Variants in GRIK4 observed in about 807,000 individuals in gnomAD.
The protein encoded by GRIK4 is glutamate ionotropic receptor kainate type subunit 4, also known as glutamate receptor ionotropic, kainate 4.
A neutral mutation model predicts 104.9 loss-of-function variants in GRIK4; 40 were observed. That is an observed-to-expected ratio of 0.38 (90% CI 0.30 to 0.50). The LOEUF is 0.50. Among genes scored for constraint, GRIK4 ranks in the 20% least tolerant of loss-of-function variants. The pLI is 0.93. For synonymous variants in GRIK4, 485 were observed against 524.9 expected (o/e 0.92, Z 1.04); for missense variants, 1,047 against 1,308.1 (o/e 0.80, Z 3.08).
intron 11 of GRIK4, among the ~76,000 whole-genome samples, chr11:120,875,496 A>G (rs1954758382): frequency 6.6e-6 from 1 of 152,144 alleles, no homozygotes. Context: ...AGGGTGTGTC[A>G]TGTAAGGGGG....
intron 11 of GRIK4, among the ~76,000 whole-genome samples, chr11:120,879,581 G>A (rs778543436): frequency 2.0e-5 from 3 of 152,192 alleles, no homozygotes; most frequent in Non-Finnish European, 4.4e-5. Flanking sequence ...TGACTATTTT[G>A]ATTCTGTTCG....
At chr11:120,871,580 C>T (rs1393865280) in intron 9 of GRIK4, 26 of 456,132 alleles carry the variant, frequency 5.7e-5, no homozygotes, top group South Asian at 1.5e-4. Context: ...GCTTAGTCTT[C>T]GGGTTCCAGG....
At chr11:120,531,386 G>A (rs967684420) in intron 1 of GRIK4, among the ~76,000 whole-genome samples, 4 of 152,128 alleles carry the variant, frequency 2.6e-5, no homozygotes, top group African/African-American at 9.7e-5. Context: ...CTGCTCCATA[G>A]CGCTGCCCAA....
chr11:120,980,646 G>A (rs1479750689), intron 19 of GRIK4, among the ~76,000 whole-genome samples: 1 of 152,274 alleles, frequency 6.6e-6, no homozygotes, highest in East Asian at 1.9e-4. Context: ...CCCCTGGAAG[G>A]TAGAATTGAG....
chr11:120,820,025 C>T, intron 6 of GRIK4, 105 bp downstream of exon 6: 1 of 1,065,584 alleles, frequency 9.4e-7, no homozygotes, highest in Non-Finnish European at 1.4e-6. Context: ...GGGAGGCTTC[C>T]TTCAGATCCA....
intron 8 of GRIK4, among the ~76,000 whole-genome samples, chr11:120,845,508 C>T (rs1330803064): frequency 6.6e-6 from 1 of 152,142 alleles, no homozygotes; most frequent in Non-Finnish European, 1.5e-5. Flanking sequence ...TTCCAAAACT[C>T]TACAGCTGTT....
chr11:120,691,001 C>T (rs1950350735), intron 3 of GRIK4, among the ~76,000 whole-genome samples: 1 of 152,146 alleles, frequency 6.6e-6, no homozygotes, highest in Admixed American at 6.5e-5. Flanking sequence ...TATTGCCTTT[C>T]TTTGCATTCA....
intron 1 of GRIK4, among the ~76,000 whole-genome samples, chr11:120,572,256 T>C (rs189122005): frequency 2.0e-5 from 3 of 152,258 alleles, no homozygotes; most frequent in Admixed American, 1.3e-4. Flanking sequence ...CCTTAATACT[T>C]CGTCACCTTG....
intron 1 of GRIK4, among the ~76,000 whole-genome samples, chr11:120,596,443 G>T (rs1267960861): frequency 1.3e-5 from 2 of 152,218 alleles, no homozygotes; most frequent in East Asian, 3.9e-4. Flanking sequence ...AGAAGATGGG[G>T]TGTTAGGGAG....
intron 3 of GRIK4, among the ~76,000 whole-genome samples, chr11:120,767,095 T>C (rs938151682): frequency 6.6e-6 from 1 of 152,156 alleles, no homozygotes; most frequent in Non-Finnish European, 1.5e-5. Context: ...TGTATGGTAG[T>C]TCTATTTTTT....
intron 10 of GRIK4, among the ~76,000 whole-genome samples, 159 bp from the exon 11 acceptor site, chr11:120,874,980 G>T (rs1038323016): frequency 4.6e-5 from 7 of 152,178 alleles, no homozygotes; most frequent in Non-Finnish European, 7.3e-5. Context: ...CATCACATTT[G>T]TCATCTCAAG....
chr11:120,710,522 C>G (rs1326704077), intron 3 of GRIK4, among the ~76,000 whole-genome samples: 2 of 152,188 alleles, frequency 1.3e-5, no homozygotes, highest in South Asian at 2.1e-4. Flanking sequence ...AACGGCCCCC[C>G]CATTCCAGCT....
chr11:120,875,043 T>C, intron 10 of GRIK4, 96 bp from the exon 11 acceptor site: 1 of 788,988 alleles, frequency 1.3e-6, no homozygotes, highest in Non-Finnish European at 2.3e-6. Context: ...TTGCCTCTTC[T>C]GGGCATCCTT....
At chr11:120,579,227 C>T (rs545856647) in intron 1 of GRIK4, among the ~76,000 whole-genome samples, 1 of 129,302 alleles carries the variant, frequency 7.7e-6, no homozygotes, top group Non-Finnish European at 1.6e-5. Flanking sequence ...ACAAAATAAC[C>T]CCCCCCCCTT....
chr11:120,543,127 G>A (rs1272502260), intron 1 of GRIK4, among the ~76,000 whole-genome samples: 1 of 152,188 alleles, frequency 6.6e-6, no homozygotes, highest in Non-Finnish European at 1.5e-5. Flanking sequence ...GTATGGGGTG[G>A]GAGGAGGGAT....
At chr11:120,700,953 T>C (rs560165393) in intron 3 of GRIK4, among the ~76,000 whole-genome samples, 4 of 152,222 alleles carry the variant, frequency 2.6e-5, no homozygotes, top group Non-Finnish European at 5.9e-5. Flanking sequence ...ACACAGATAC[T>C]TACCACTGTA....
At chr11:120,936,304 C>T (rs1943597973) in intron 13 of GRIK4, 12 of 513,356 alleles carry the variant, frequency 2.3e-5, no homozygotes, top group South Asian at 1.7e-4. Flanking sequence ...ATGGACAGGC[C>T]AGGATGTTCT....
intron 1 of GRIK4, among the ~76,000 whole-genome samples, chr11:120,591,800 C>A (rs1243692551): frequency 6.6e-6 from 1 of 152,184 alleles, no homozygotes; most frequent in Non-Finnish European, 1.5e-5. Context: ...ATAAGCTGCA[C>A]AATGCCTAGT....
chr11:120,903,705 G>A lies in GRIK4; in HGVS notation c.1273-1585G>A, dbSNP rs768587595. ...TGGGACCCCCAGCCCTGCTGTTTGCGGTGGGGAAGGAGCTTGGAGGAGAGG... is the reference window on the plus strand; with the variant it reads ...TGGGACCCCCAGCCCTGCTGTTTGCAGTGGGGAAGGAGCTTGGAGGAGAGG... On this transcript the variant is annotated intron_variant, in intron 12 of 20. Coordinates refer to ENST00000527524, the MANE Select transcript of GRIK4 (RefSeq NM_014619.5). This position sits in a 1 kb window ranked among gnomAD's most constrained non-coding sequence, Gnocchi z 4.4. 1.3e-5 allele frequency among the ~76,000 whole-genome samples: 2 copies of A among 152,172 alleles called. No homozygotes were observed. Among genetic ancestry groups the A allele is most frequent in the South Asian group, 2.1e-4 (1 of 4,822 alleles).
Sources: gnomAD v4.1 joint callset for allele counts (sites outside exome capture counted in the v4.1 genomes callset) on GRCh38, gnomAD v4.1.1 for gene constraint, Gnocchi (gnomAD v3.1) non-coding constraint, MANE v1.5 for transcripts, NCBI Gene and HGNC (gene_info 2026-07-23, HGNC 2026-07-21) for gene names.